Variants in CFAP46 observed in about 807,000 individuals in gnomAD.
The protein encoded by CFAP46 is cilia and flagella associated protein 46.
In CFAP46, 245 loss-of-function variants were observed where a neutral mutation model predicts 325.7. The observed-to-expected ratio is 0.75, with a 90% CI of 0.68 to 0.84. The LOEUF (loss-of-function observed/expected upper bound fraction) is 0.84, where lower values mean the gene tolerates loss of function less well. Among genes scored for constraint, CFAP46 ranks in the 40% least tolerant of loss-of-function variants. The pLI is 0.00. For missense variants in CFAP46, 3,346 were observed against 3,543.0 expected (o/e 0.94, Z 1.41); for synonymous variants, 1,523 against 1,495.9 (o/e 1.02, Z -0.42).
chr10:132,940,663 C>T (rs867666004), intron 4 of CFAP46, among the ~76,000 whole-genome samples: 2 of 152,112 alleles, frequency 1.3e-5, no homozygotes, highest in South Asian at 2.1e-4. Flanking sequence ...CTGCAACCTC[C>T]GCCTCCCGAG....
At chr10:132,837,962 G>GACACAGAC (rs1291964852) in intron 44 of CFAP46, among the ~76,000 whole-genome samples, 1 of 150,708 alleles carries the variant, frequency 6.6e-6, no homozygotes, top group African/African-American at 2.4e-5. Flanking sequence ...CGTGTACACA[G>GACACAGAC]ACGCACACAC....
At chr10:132,815,430 C>T (rs893105770) in intron 50 of CFAP46, among the ~76,000 whole-genome samples, 7 of 152,198 alleles carry the variant, frequency 4.6e-5, no homozygotes, top group East Asian at 1.9e-4. Flanking sequence ...ACTGCCTGAC[C>T]GCCTTCAAAG....
Position 132,817,760 on chromosome 10 carries a change from G to A in CFAP46, c.7118-2846C>T, listed in dbSNP as rs1199659699. On this transcript the variant is annotated intron_variant, in intron 50 of 57. Coordinates refer to ENST00000368586, the MANE Select transcript of CFAP46 (RefSeq NM_001200049.3). This position sits in a 1 kb window ranked among gnomAD's most constrained non-coding sequence, Gnocchi z 4.4. ...TGTGGTGAGGGTTCTGTTAGTTTGT[G>A]TGGCTGCTGTTAACCAATTACTACA... Among the ~76,000 whole-genome samples, 1 of 152,254 alleles carries A rather than the reference G, an allele frequency of 6.6e-6. No individual in the cohort carries two copies. Among genetic ancestry groups the A allele is most frequent in the Non-Finnish European group, 1.5e-5 (1 of 68,042 alleles).
intron 54 of CFAP46, 117 bp downstream of exon 54, chr10:132,814,035 G>A (rs561935077): frequency 2.7e-6 from 2 of 729,766 alleles, no homozygotes; most frequent in South Asian, 3.2e-5. Flanking sequence ...ATTGCATGCT[G>A]TATGTGGCAG....
At chr10:132,923,077 A>C (rs906130777) in intron 11 of CFAP46, among the ~76,000 whole-genome samples, 1 of 152,212 alleles carries the variant, frequency 6.6e-6, no homozygotes, top group Non-Finnish European at 1.5e-5. Flanking sequence ...GCTGCGAAGG[A>C]GGCTAGGGTC....
intron 48 of CFAP46, 126 bp from the exon 49 acceptor site, chr10:132,834,249 G>T: frequency 1.1e-6 from 1 of 878,266 alleles, no homozygotes; most frequent in Non-Finnish European, 1.8e-6. Flanking sequence ...GCTCACTTCT[G>T]GGGATGGTCC....
At position 132,932,998 on chromosome 10, in the gene CFAP46, G is replaced by A. The variant is rs766620399; in HGVS notation, c.866+1754C>T. 1.6e-3 allele frequency among the ~76,000 whole-genome samples: 249 copies of A among 152,380 alleles called. 2 individuals are homozygous for A. The Middle Eastern group carries it at 0.034, about 21-fold the overall frequency. On this transcript the variant is annotated intron_variant, in intron 8 of 57. Transcript: ENST00000368586. Reference sequence around the variant, plus strand: ...ACAGTGTCTCCAGACATTGCCAAATGTCCTTGGGGAGCAGGTCTACATGTC... The same window carrying A: ...ACAGTGTCTCCAGACATTGCCAAATATCCTTGGGGAGCAGGTCTACATGTC...
chr10:132,912,540 CCTCT>C (rs372445837), intron 19 of CFAP46, 111 bp downstream of exon 19: 15 of 750,334 alleles, frequency 2.0e-5, no homozygotes, highest in Middle Eastern at 3.6e-4. Context: ...TCTCTCCTCT[CCTCT>C]CTCTCTCTCT....
chr10:132,870,847 G>C (rs1355104727), intron 32 of CFAP46, among the ~76,000 whole-genome samples: 1 of 152,044 alleles, frequency 6.6e-6, no homozygotes, highest in Non-Finnish European at 1.5e-5. Flanking sequence ...ATGGATGGTG[G>C]CTACGCTAAA....
chr10:132,821,395 G>C (rs1293379976), intron 50 of CFAP46, among the ~76,000 whole-genome samples: 16 of 132,294 alleles, frequency 1.2e-4, no homozygotes, highest in African/African-American at 4.7e-4. Context: ...GATGTGTGCT[G>C]TGTGTGTGCT....
intron 41 of CFAP46, among the ~76,000 whole-genome samples, chr10:132,848,317 GT>G (rs1230943437): frequency 6.6e-6 from 1 of 152,202 alleles, no homozygotes; most frequent in Non-Finnish European, 1.5e-5. Flanking sequence ...AAAAGGAAAA[GT>G]CAGTGAGGCC....
At chr10:132,843,599 AGGGTGCCATGGGGCTCTGGTCTCG>A (rs1468571106) in intron 44 of CFAP46, among the ~76,000 whole-genome samples, 2 of 121,284 alleles carry the variant, frequency 1.6e-5, no homozygotes, top group Non-Finnish European at 3.4e-5. Context: ...GGGTGTTCCC[AGGGTGCCATGGGGCTCTGGTCTCG>A]GTGAGTGTTC....
Position 132,942,550 on chromosome 10 carries a change from T to C in CFAP46, c.-66A>G. ...GGTGCGTCCTGCCGCCCACTGTCGGTTGGGTTCTCCAGCCGCGAGGACCCG... is the reference window on the plus strand; with the variant it reads ...GGTGCGTCCTGCCGCCCACTGTCGGCTGGGTTCTCCAGCCGCGAGGACCCG... On this transcript the variant is annotated 5_prime_UTR_variant, in exon 1 of 58. Coordinates refer to ENST00000368586, the MANE Select transcript of CFAP46 (RefSeq NM_001200049.3). 8.2e-7 allele frequency: 1 copy of C among 1,220,018 alleles called. No individual in the cohort carries two copies. The highest frequency in any genetic ancestry group is 1.0e-6 in the Non-Finnish European group (1 of 972,268). 75.6% of individuals were successfully genotyped at this position (1,220,018 alleles called of 1,614,324 possible).
At chr10:132,908,346 G>A (rs1489984592) in intron 22 of CFAP46, 122 bp downstream of exon 22, 46 of 1,234,618 alleles carry the variant, frequency 3.7e-5, no homozygotes, top group East Asian at 1.0e-4. Flanking sequence ...CCAGGCCCGC[G>A]CTCCCTGCCC....
intron 8 of CFAP46, 33 bp from the exon 9 acceptor site, chr10:132,929,837 A>C: frequency 6.5e-7 from 1 of 1,530,088 alleles, no homozygotes; most frequent in South Asian, 1.2e-5. Context: ...GCACCGGCTC[A>C]ATAGGGGGCA....
chr10:132,825,920 G>T (rs1434875192), intron 50 of CFAP46, among the ~76,000 whole-genome samples: 1 of 152,070 alleles, frequency 6.6e-6, no homozygotes. Flanking sequence ...ACGGGGGGTG[G>T]GGCAGATAAA....
chr10:132,913,501 G>A (rs117046796), intron 17 of CFAP46, among the ~76,000 whole-genome samples: 6,763 of 152,256 alleles, frequency 0.044, 211 homozygotes, highest in Non-Finnish European at 0.063. Context: ...ACCCTATTGC[G>A]ATCAGCGCAT....
At chr10:132,836,746 G>A (rs974525773) in intron 45 of CFAP46, 71 bp downstream of exon 45, 98 of 1,327,568 alleles carry the variant, frequency 7.4e-5, no homozygotes, top group South Asian at 1.2e-4. Flanking sequence ...GGCAGCCCAC[G>A]GCTGGGTCTC....
Position 132,847,440 on chromosome 10 carries a change from G to A in CFAP46, c.5953-119C>T, listed in dbSNP as rs530723586. ...CCTCAGCAGGGTCCCCGGGTAGGGG[G>A]TACCGCAGGCCACAGCATGGCCTCT... On this transcript the variant is annotated intron_variant, in intron 41 of 57. Coordinates refer to ENST00000368586, the MANE Select transcript of CFAP46 (RefSeq NM_001200049.3). This position sits in a 1 kb window ranked among gnomAD's most constrained non-coding sequence, Gnocchi z 5.2. The A allele has an allele frequency of 1.5e-3, 1,792 of 1,235,672 alleles. 6 individuals are homozygous for A. The highest frequency in any genetic ancestry group is 1.8e-3 in the Non-Finnish European group (1,578 of 869,188). 76.5% of individuals were successfully genotyped at this position (1,235,672 alleles called of 1,614,324 possible). A position where few individuals can be genotyped will look rare whatever the true frequency, so the allele number is the denominator to read the frequency against.
Sources: allele counts gnomAD v4.1 joint callset (sites outside exome capture counted in the v4.1 genomes callset), GRCh38; gene constraint gnomAD v4.1.1; non-coding constraint Gnocchi (gnomAD v3.1); transcripts MANE v1.5; gene names NCBI Gene and HGNC (gene_info 2026-07-23, HGNC 2026-07-21).